Variants in PLSCR2 observed in about 807,000 individuals in gnomAD.
PLSCR2 encodes the protein phospholipid scramblase 2.
In PLSCR2, 18 loss-of-function variants were observed where a neutral mutation model predicts 25.3. The observed-to-expected ratio is 0.71, with a 90% confidence interval of 0.49 to 1.06. The LOEUF (loss-of-function observed/expected upper bound fraction) is 1.06. PLSCR2 is among the 50% of genes least tolerant of loss of function. The pLI is 0.00. For synonymous variants in PLSCR2, 88 were observed against 87.3 expected, an observed-to-expected ratio of 1.01 and a Z score of -0.04; for missense variants, 243 against 269.5, an observed-to-expected ratio of 0.90 and a Z score of 0.69.
intron 2 of PLSCR2, among the ~76,000 whole-genome samples, chr3:146,398,292 A>G (rs1418948427): frequency 6.6e-6 from 1 of 151,996 alleles, no homozygotes; most frequent in East Asian, 1.9e-4. Context: ...TTGAGTTTCA[A>G]AGTTTTATAA....
intron 2 of PLSCR2, among the ~76,000 whole-genome samples, chr3:146,412,827 G>C (rs1237927935): frequency 6.6e-6 from 1 of 152,044 alleles, no homozygotes; most frequent in Non-Finnish European, 1.5e-5. Context: ...GAAAGCAAGG[G>C]TACGAGCTGG....
chr3:146,475,367 TTTG>T (rs1177325108), intron 1 of PLSCR2, among the ~76,000 whole-genome samples: 9 of 152,222 alleles, frequency 5.9e-5, no homozygotes, highest in East Asian at 5.8e-4. Flanking sequence ...GGGGGTCATT[TTTG>T]TTGTTGTCAG....
At chr3:146,429,633 A>AT (rs56760386), downstream of PLSCR2, among the ~76,000 whole-genome samples, 10,470 of 149,480 alleles carry the variant, frequency 0.07, 414 homozygotes, top group Admixed American at 0.1. Context: ...TTATTTATTT[A>AT]TTTTTTTTTT....
intron 5 of PLSCR2, 23 bp from the exon 6 acceptor site, chr3:146,449,390 A>C (rs1576653368): frequency 7.4e-6 from 11 of 1,480,440 alleles, no homozygotes; most frequent in South Asian, 6.2e-5. Context: ...AAAAAAAAAA[A>C]CTTAAAAATT....
At chr3:146,460,503 C>T (rs1208537717), upstream of PLSCR2, among the ~76,000 whole-genome samples, 2 of 150,082 alleles carry the variant, frequency 1.3e-5, no homozygotes, top group Admixed American at 1.3e-4. Context: ...GAGCCAAAGG[C>T]ACCCTGTGAA....
In PLSCR2 at chr3:146,469,475, T is replaced by A. The variant is rs1246418983; in HGVS notation, c.-292-9191A>T. On this transcript the variant is annotated intron_variant, in intron 1 of 8. Transcript: ENST00000336685. ...CACCCCAGTCCCATAGGGAGGCGAC[T>A]GAGAAAGCCGCCCCCTTACCCGTGG... is the stretch of plus-strand genomic sequence containing the variant. The A allele has an allele frequency of 1.0e-6, 1 of 976,742 alleles. No homozygotes were observed. Among genetic ancestry groups the A allele is most frequent in the African/African-American group, 1.8e-5 (1 of 57,000 alleles). 60.5% of individuals were successfully genotyped at this position (976,742 alleles called of 1,614,324 possible). A position where few individuals can be genotyped will look rare whatever the true frequency, so the allele number is the denominator to read the frequency against.
At chr3:146,449,217 A>G in exon 6 of PLSCR2, 1 of 1,611,910 alleles carries the variant, frequency 6.2e-7, no homozygotes, top group Non-Finnish European at 8.5e-7. Flanking sequence ...ATGAGGAAAC[A>G]GGCACCAATC....
At chr3:146,440,819 T>C (rs1159757110), downstream of PLSCR2, among the ~76,000 whole-genome samples, 1 of 152,232 alleles carries the variant, frequency 6.6e-6, no homozygotes, top group Non-Finnish European at 1.5e-5. Context: ...TCAATAAATT[T>C]TACTTTAGGA....
downstream of PLSCR2, among the ~76,000 whole-genome samples, chr3:146,429,686 C>A (rs532885046): frequency 7.2e-5 from 11 of 152,082 alleles, no homozygotes; most frequent in African/African-American, 2.7e-4. Flanking sequence ...AGTGCAGTGG[C>A]ATGATCTCGG....
At chr3:146,408,316 G>A (rs903633532) in intron 2 of PLSCR2, among the ~76,000 whole-genome samples, 1 of 152,040 alleles carries the variant, frequency 6.6e-6, no homozygotes, top group Admixed American at 6.6e-5. Flanking sequence ...CAGGTGAAAC[G>A]GCTTTGAGAT....
At chr3:146,439,903 G>A (rs143845038), downstream of PLSCR2, among the ~76,000 whole-genome samples, 6,243 of 152,216 alleles carry the variant, frequency 0.041, 176 homozygotes, top group Admixed American at 0.087. Flanking sequence ...CGTCTTTGTG[G>A]TTTTATCTAC....
intron 1 of PLSCR2, among the ~76,000 whole-genome samples, chr3:146,482,405 A>C (rs988663673): frequency 6.6e-6 from 1 of 152,230 alleles, no homozygotes; most frequent in Non-Finnish European, 1.5e-5. Context: ...CCCATCAAAA[A>C]GTGAGCAAAG....
chr3:146,441,724 C>A, downstream of PLSCR2: 2 of 1,092,474 alleles, frequency 1.8e-6, no homozygotes, highest in South Asian at 2.8e-5. Flanking sequence ...TAATCCTAAT[C>A]AACACAGACT....
downstream of PLSCR2, among the ~76,000 whole-genome samples, chr3:146,440,867 TGAA>T (rs1333268321): frequency 1.3e-5 from 2 of 152,244 alleles, no homozygotes; most frequent in Non-Finnish European, 2.9e-5. Flanking sequence ...AGACCACTAA[TGAA>T]GTATGCTTTG....
chr3:146,434,156 GATA>G (rs2039681776), intron 8 of PLSCR2, among the ~76,000 whole-genome samples: 1 of 152,018 alleles, frequency 6.6e-6, no homozygotes, highest in Non-Finnish European at 1.5e-5. Flanking sequence ...TTAAAAATGA[GATA>G]ATAAAACATT....
chr3:146,451,670 T>C (rs976460384), intron 5 of PLSCR2, among the ~76,000 whole-genome samples: 2 of 152,168 alleles, frequency 1.3e-5, no homozygotes, highest in African/African-American at 4.8e-5. Context: ...GCTTAGAGGA[T>C]TGAATCATTC....
At chr3:146,400,680 C>T (rs2038439174) in intron 2 of PLSCR2, among the ~76,000 whole-genome samples, 1 of 150,514 alleles carries the variant, frequency 6.6e-6, no homozygotes, top group Admixed American at 6.6e-5. Context: ...AAAGCTTTGA[C>T]AAAAGCAAAA....
intron 2 of PLSCR2, among the ~76,000 whole-genome samples, chr3:146,424,662 C>T (rs2039276431): frequency 1.3e-5 from 2 of 151,956 alleles, no homozygotes; most frequent in Admixed American, 6.6e-5. Flanking sequence ...TGAAAAATTC[C>T]AGACATAAAC....
upstream of PLSCR2, among the ~76,000 whole-genome samples, chr3:146,460,477 T>C (rs940193): frequency 0.48 from 71,830 of 149,326 alleles, 18,280 homozygotes; most frequent in South Asian, 0.7. Flanking sequence ...ATAATGGCTA[T>C]GTGTCAGCAT....
Sources: allele counts gnomAD v4.1 joint callset (sites outside exome capture counted in the v4.1 genomes callset), GRCh38; gene constraint gnomAD v4.1.1; transcripts MANE v1.5; gene names NCBI Gene and HGNC (gene_info 2026-07-23, HGNC 2026-07-21).